SEC24B: variants seen among roughly 807,000 people sequenced by gnomAD.
SEC24B encodes the protein SEC24 homolog B, COPII component.
In SEC24B, 45 loss-of-function variants were observed where a neutral mutation model predicts 142.8. The ratio of observed to expected loss-of-function variants is 0.32; its 90% confidence interval spans 0.25 to 0.40. The LOEUF is 0.40. Ranked by LOEUF, SEC24B falls within the 10% of genes least tolerant of loss-of-function variation. The pLI, the probability that SEC24B is intolerant of heterozygous loss-of-function variation, is 1.00. For synonymous variants in SEC24B, 574 were observed against 568.2 expected (o/e 1.01, Z -0.15); for missense variants, 1,409 against 1,526.8 (o/e 0.92, Z 1.29).
intron 4 of SEC24B, among the ~76,000 whole-genome samples, chr4:109,486,050 T>C (rs1734318388): frequency 6.6e-6 from 1 of 152,216 alleles, no homozygotes; most frequent in African/African-American, 2.4e-5. Context: ...GTTTTGTTTT[T>C]TCCCCCTCTG....
intron 8 of SEC24B, 44 bp from the exon 9 acceptor site, chr4:109,511,913 T>C: frequency 1.2e-6 from 2 of 1,603,000 alleles, no homozygotes; most frequent in Non-Finnish European, 1.7e-6. Context: ...TGTTTTTCCT[T>C]GGGGTGCCTT....
intron 11 of SEC24B, among the ~76,000 whole-genome samples, chr4:109,518,742 G>A (rs538031248): frequency 6.6e-6 from 1 of 151,562 alleles, no homozygotes; most frequent in East Asian, 1.9e-4. Flanking sequence ...AGTGGCAACG[G>A]AAGACTGCTC....
Position 109,538,599 on chromosome 4 carries a change from A to G in SEC24B, c.3692+3A>G. On this transcript the variant is annotated splice_donor_region_variant and intron_variant, in intron 23 of 23. Coordinates refer to ENST00000265175, the MANE Select transcript of SEC24B (RefSeq NM_006323.5). ...AGTCCAATCCTTCACATAGTAAAGTAAGTACTTTTGTAACTTAATTATGAA... is the reference window on the plus strand; with the variant it reads ...AGTCCAATCCTTCACATAGTAAAGTGAGTACTTTTGTAACTTAATTATGAA... The G allele has an allele frequency of 7.7e-6, 12 of 1,557,720 alleles. No individual in the cohort carries two copies. Among genetic ancestry groups the G allele is most frequent in the Non-Finnish European group, 1.1e-5 (12 of 1,129,078 alleles).
intron 1 of SEC24B, among the ~76,000 whole-genome samples, chr4:109,436,924 T>G (rs1728460298): frequency 6.6e-6 from 1 of 152,218 alleles, no homozygotes; most frequent in Non-Finnish European, 1.5e-5. Flanking sequence ...TGTAATATCC[T>G]TTATAATAAA....
intron 9 of SEC24B, among the ~76,000 whole-genome samples, chr4:109,513,285 ATTT>A (rs35150434): frequency 8.9e-6 from 1 of 112,438 alleles, no homozygotes; most frequent in African/African-American, 2.8e-5. Flanking sequence ...CCTGATTATT[ATTT>A]TTTTTTTTTT....
chr4:109,525,306 T>C (rs752747407), intron 15 of SEC24B, 40 bp from the exon 16 acceptor site: 15 of 1,491,234 alleles, frequency 1.0e-5, no homozygotes, highest in Non-Finnish European at 1.3e-5. Flanking sequence ...TAAAATATTA[T>C]TATTTCTATA....
chr4:109,478,109 T>C (rs1733363806), intron 3 of SEC24B, among the ~76,000 whole-genome samples: 1 of 151,958 alleles, frequency 6.6e-6, no homozygotes, highest in Admixed American at 6.6e-5. Context: ...TGGTGAAACC[T>C]CATCTCTACC....
chr4:109,509,452 T>G (rs957045125), intron 7 of SEC24B, among the ~76,000 whole-genome samples: 12 of 152,044 alleles, frequency 7.9e-5, no homozygotes, highest in African/African-American at 2.9e-4. Context: ...GGCAGGCGGA[T>G]GGATCACAAG....
At chr4:109,484,179 C>T (rs1230614492) in intron 4 of SEC24B, among the ~76,000 whole-genome samples, 1 of 152,220 alleles carries the variant, frequency 6.6e-6, no homozygotes, top group African/African-American at 2.4e-5. Flanking sequence ...CTCCTTTAGT[C>T]TCCAACAGTT....
intron 18 of SEC24B, 54 bp from the exon 19 acceptor site, chr4:109,530,235 A>T: frequency 1.3e-6 from 2 of 1,482,666 alleles, no homozygotes; most frequent in Non-Finnish European, 1.8e-6. Flanking sequence ...TCTCTCTTAT[A>T]GTGCCCATTG....
chr4:109,503,489 G>T (rs1736383531), intron 6 of SEC24B, among the ~76,000 whole-genome samples: 1 of 152,084 alleles, frequency 6.6e-6, no homozygotes, highest in Admixed American at 6.6e-5. Context: ...CTTCCAAAGT[G>T]CTGGGATTAC....
intron 1 of SEC24B, among the ~76,000 whole-genome samples, chr4:109,462,428 A>C (rs1731358430): frequency 6.6e-6 from 1 of 152,046 alleles, no homozygotes; most frequent in Non-Finnish European, 1.5e-5. Context: ...GATTCTACTG[A>C]GTTTGGAGGA....
chr4:109,481,555 A>G (rs542047071), intron 3 of SEC24B, 122 bp from the exon 4 acceptor site: 9 of 659,598 alleles, frequency 1.4e-5, no homozygotes, highest in South Asian at 4.4e-5. Context: ...TAATATTAAT[A>G]TGCATGTTGG....
intron 6 of SEC24B, among the ~76,000 whole-genome samples, chr4:109,499,307 A>T (rs951751144): frequency 3.9e-5 from 6 of 152,124 alleles, no homozygotes; most frequent in African/African-American, 1.4e-4. Context: ...TCATTTTGGG[A>T]CTTGTATGTT....
intron 1 of SEC24B, among the ~76,000 whole-genome samples, chr4:109,458,979 T>C (rs1475363583): frequency 6.6e-6 from 1 of 151,398 alleles, no homozygotes; most frequent in Non-Finnish European, 1.5e-5. Flanking sequence ...ATACCAGCAG[T>C]CTTTTCATAC....
intron 1 of SEC24B, among the ~76,000 whole-genome samples, 175 bp downstream of exon 1, chr4:109,434,177 G>C (rs1347541186): frequency 1.3e-5 from 2 of 151,276 alleles, no homozygotes; most frequent in African/African-American, 4.8e-5. Flanking sequence ...TGCGGGTAGG[G>C]GGCAGGGAAG....
intron 14 of SEC24B, among the ~76,000 whole-genome samples, chr4:109,521,994 G>T (rs1009403933): frequency 6.6e-6 from 1 of 151,512 alleles, no homozygotes; most frequent in Non-Finnish European, 1.5e-5. Context: ...GCCTCCCAAA[G>T]TGCTGGGATT....
chr4:109,482,639 G>T (rs1733848197), intron 4 of SEC24B, among the ~76,000 whole-genome samples: 1 of 151,060 alleles, frequency 6.6e-6, no homozygotes. Context: ...TTTTTATTTT[G>T]CTTTGTTTTT....
intron 21 of SEC24B, among the ~76,000 whole-genome samples, chr4:109,533,229 G>A (rs967276111): frequency 4.6e-5 from 7 of 152,160 alleles, no homozygotes; most frequent in African/African-American, 1.4e-4. Context: ...GATGCCTTAT[G>A]AGCAGAAAAA....
Sources: gnomAD v4.1 joint callset for allele counts (sites outside exome capture counted in the v4.1 genomes callset) on GRCh38, gnomAD v4.1.1 for gene constraint, MANE v1.5 for transcripts, NCBI Gene and HGNC (gene_info 2026-07-23, HGNC 2026-07-21) for gene names.